The following AP4S1 variants were observed in gnomAD, a reference collection of about 807,000 sequenced individuals.
The protein encoded by AP4S1 is adaptor related protein complex 4 subunit sigma 1.
A neutral mutation model predicts 19.8 loss-of-function variants in AP4S1; 23 were observed. The ratio of observed to expected loss-of-function variants is 1.16; its 90% CI spans 0.84 to 1.65. The LOEUF is 1.65. Ranked by LOEUF, AP4S1 falls within the 40% of genes most tolerant of loss-of-function variation. The pLI, the probability that AP4S1 is intolerant of heterozygous loss-of-function variation, is 0.00. For missense variants in AP4S1, 166 were observed against 172.8 expected (o/e 0.96, Z 0.22); for synonymous variants, 46 against 54.1 (o/e 0.85, Z 0.66).
In AP4S1 at chr14:31,054,921, T is replaced by C. The variant is rs537917142; in HGVS notation, c.-71-11205T>C. On this transcript the variant is annotated intron_variant, in intron 1 of 5. Coordinates refer to ENST00000542754, the MANE Select transcript of AP4S1 (RefSeq NM_001128126.3). ...ACAGTGACAGGTCATACTGATAGTA[T>C]GTGCCTTTGACATGATATGATGCAA... 2.7e-5 allele frequency among the ~76,000 whole-genome samples: 4 copies of C among 146,688 alleles called. No homozygotes were observed. In the East Asian group the frequency reaches 7.9e-4, roughly 29 times the overall value.
Position 31,034,597 on chromosome 14 carries a change from G to A in AP4S1, c.-72+8810G>A, listed in dbSNP as rs1884608727. On this transcript the variant is annotated intron_variant, in intron 1 of 5. Coordinates refer to ENST00000542754, the MANE Select transcript of AP4S1 (RefSeq NM_001128126.3). ...TAAGCCACTACACCTGTGCCTAGAA[G>A]TTTTGTACTTAATTTTTTTTTTTTT... Among the ~76,000 whole-genome samples, 8 of 139,864 alleles carry A rather than the reference G, an allele frequency of 5.7e-5. No individual in the cohort carries two copies. The South Asian group carries it at 1.9e-3, about 33-fold the overall frequency. The allele number at this position is 139,864 out of a possible 152,430, so 91.8% of individuals were successfully genotyped here.
At chr14:31,077,857 T>A (rs1459017430) in intron 4 of AP4S1, among the ~76,000 whole-genome samples, 1 of 149,450 alleles carries the variant, frequency 6.7e-6, no homozygotes, top group Non-Finnish European at 1.5e-5. Flanking sequence ...CACCTCAACC[T>A]CCCGAGTAGC....
chr14:31,069,540 A>G (rs571533781), intron 2 of AP4S1, among the ~76,000 whole-genome samples: 1 of 152,326 alleles, frequency 6.6e-6, no homozygotes, highest in South Asian at 2.1e-4. Flanking sequence ...TAAAATGCTG[A>G]TTATGCATTA....
intron 5 of AP4S1, among the ~76,000 whole-genome samples, chr14:31,090,066 G>T (rs1391290873): frequency 6.6e-6 from 1 of 152,134 alleles, no homozygotes; most frequent in African/African-American, 2.4e-5. Flanking sequence ...TTGGCTCTCT[G>T]CAACCTCCGC....
At chr14:31,041,089 A>G (rs1324163846) in intron 1 of AP4S1, among the ~76,000 whole-genome samples, 1 of 151,490 alleles carries the variant, frequency 6.6e-6, no homozygotes, top group African/African-American at 2.4e-5. Context: ...AAAAAAAAAA[A>G]AGTACGCAAA....
intron 1 of AP4S1, among the ~76,000 whole-genome samples, chr14:31,029,403 C>T (rs1279146276): frequency 1.3e-5 from 2 of 152,206 alleles, no homozygotes; most frequent in Non-Finnish European, 1.5e-5. Context: ...TACCATAACA[C>T]TATCATGCCA....
intron 3 of AP4S1, among the ~76,000 whole-genome samples, chr14:31,071,911 T>G (rs1408152986): frequency 1.6e-5 from 2 of 122,218 alleles, no homozygotes; most frequent in Non-Finnish European, 3.4e-5. Context: ...ATTTATTTAT[T>G]TATTTATTTG....
intron 4 of AP4S1, among the ~76,000 whole-genome samples, chr14:31,073,430 C>T (rs1372806124): frequency 2.2e-5 from 3 of 138,192 alleles, no homozygotes; most frequent in Non-Finnish European, 4.8e-5. Context: ...GCGGAGCTTG[C>T]AGTGAGCCGA....
At chr14:31,027,544 C>G (rs747381270) in intron 1 of AP4S1, among the ~76,000 whole-genome samples, 2 of 151,610 alleles carry the variant, frequency 1.3e-5, no homozygotes, top group Non-Finnish European at 2.9e-5. Flanking sequence ...CACCTGTAGT[C>G]CCAGCTCCTG....
intron 4 of AP4S1, among the ~76,000 whole-genome samples, chr14:31,074,135 G>C (rs1887214520): frequency 6.6e-6 from 1 of 151,374 alleles, no homozygotes; most frequent in African/African-American, 2.4e-5. Flanking sequence ...GACCAGGCTG[G>C]CCAAAATGGT....
intron 3 of AP4S1, among the ~76,000 whole-genome samples, chr14:31,072,563 G>A (rs949584645): frequency 4.6e-5 from 7 of 152,034 alleles, no homozygotes; most frequent in African/African-American, 1.4e-4. Flanking sequence ...TGGAGACAGA[G>A]TCTCACTATA....
chr14:31,056,758 T>TAATTA (rs1886142406), intron 1 of AP4S1, among the ~76,000 whole-genome samples: 1 of 152,214 alleles, frequency 6.6e-6, no homozygotes, highest in Admixed American at 6.5e-5. Context: ...CTTCCAAAGC[T>TAATTA]ACCTGAAGTT....
chr14:31,073,195 A>C (rs979892583), intron 4 of AP4S1: 5 of 512,852 alleles, frequency 9.7e-6, no homozygotes, highest in African/African-American at 3.9e-5. Context: ...GAAAAAAAAA[A>C]AAAAACCTCT....
intron 1 of AP4S1, 105 bp downstream of exon 1, chr14:31,025,892 C>A: frequency 6.3e-7 from 1 of 1,597,156 alleles, no homozygotes; most frequent in Non-Finnish European, 8.5e-7. Context: ...CACACCGACC[C>A]CAACGAGGTA....
chr14:31,066,058 A>C, intron 1 of AP4S1, 68 bp from the exon 2 acceptor site: 2 of 748,782 alleles, frequency 2.7e-6, no homozygotes, highest in Non-Finnish European at 4.4e-6. Flanking sequence ...TATCTATAAA[A>C]ACATTTAATA....
At chr14:31,090,243 C>T (rs908808505) in intron 5 of AP4S1, among the ~76,000 whole-genome samples, 11 of 152,158 alleles carry the variant, frequency 7.2e-5, no homozygotes, top group African/African-American at 2.7e-4. Context: ...ACCTCAGCCT[C>T]CCAAAGTGCT....
At chr14:31,026,367 C>T (rs1181514253) in intron 1 of AP4S1, 4 of 520,202 alleles carry the variant, frequency 7.7e-6, no homozygotes, top group South Asian at 4.2e-5. Flanking sequence ...CCATTACAAT[C>T]CCTCCTCCAT....
intron 5 of AP4S1, among the ~76,000 whole-genome samples, chr14:31,082,051 C>T (rs997317158): frequency 6.6e-6 from 1 of 152,050 alleles, no homozygotes; most frequent in Non-Finnish European, 1.5e-5. Context: ...AGTATGTTTG[C>T]ATCCACTTAG....
chr14:31,080,078 T>A (rs553474893), intron 4 of AP4S1, among the ~76,000 whole-genome samples: 5 of 152,358 alleles, frequency 3.3e-5, no homozygotes, highest in Admixed American at 1.3e-4. Flanking sequence ...CATTTGTGGA[T>A]ATGCTACGGT....
Sources: gnomAD v4.1 joint callset for allele counts (sites outside exome capture counted in the v4.1 genomes callset) on GRCh38, gnomAD v4.1.1 for gene constraint, MANE v1.5 for transcripts, NCBI Gene and HGNC (gene_info 2026-07-23, HGNC 2026-07-21) for gene names.